TCL1B: variants seen among roughly 807,000 people sequenced by gnomAD.
TCL1B encodes TCL1 family AKT coactivator B.
Under a neutral mutation model 16.9 loss-of-function variants are expected in TCL1B, and 14 were observed. The observed-to-expected ratio is 0.83, with a 90% CI of 0.55 to 1.30. TCL1B has a LOEUF of 1.30. TCL1B is among the 50% of genes most tolerant of loss of function. The pLI is 0.00. For synonymous variants in TCL1B, 79 were observed against 66.6 expected (o/e 1.19, Z -0.91); for missense variants, 166 against 165.2 (o/e 1.00, Z -0.03).
intron 3 of TCL1B, 110 bp downstream of exon 3, chr14:95,691,446 T>C: frequency 5.0e-6 from 5 of 1,008,660 alleles, no homozygotes. Flanking sequence ...TTTGCTGAGA[T>C]TTTTCTTACA....
chr14:95,688,707 A>G (rs1036161660), intron 1 of TCL1B, among the ~76,000 whole-genome samples: 2 of 152,240 alleles, frequency 1.3e-5, no homozygotes, highest in African/African-American at 4.8e-5. Context: ...AACACAAACC[A>G]TGAAGTATTC....
intron 1 of TCL1B, among the ~76,000 whole-genome samples, chr14:95,689,961 A>G (rs1185292461): frequency 2.0e-5 from 3 of 152,170 alleles, no homozygotes; most frequent in Non-Finnish European, 4.4e-5. Context: ...TTTTCCTATC[A>G]TCTTTCTAAC....
rs373617365 is a variant in TCL1B, at chr14:95,688,951, G to A, written c.163-1785G>A. On this transcript the variant is annotated intron_variant, in intron 1 of 3. Transcript: ENST00000340722. The stretch of plus-strand genomic sequence containing the variant: ...AGTTCTGGAGGTGGATAGTGCCGAC[G>A]GTTCCACATGTCAATGCACTTAATG... Among the ~76,000 whole-genome samples, 6 of 152,184 alleles carry A rather than the reference G, an allele frequency of 3.9e-5. No homozygotes were observed. The East Asian group carries it at 5.8e-4, about 15-fold the overall frequency.
chr14:95,687,403 T>C (rs1012929750), intron 1 of TCL1B, among the ~76,000 whole-genome samples: 2 of 152,182 alleles, frequency 1.3e-5, no homozygotes, highest in African/African-American at 2.4e-5. Flanking sequence ...AAGTCCCTGA[T>C]AGAAAATGAC....
At chr14:95,691,097 G>A (rs984426484) in intron 2 of TCL1B, among the ~76,000 whole-genome samples, 171 bp from the exon 3 acceptor site, 1 of 152,268 alleles carries the variant, frequency 6.6e-6, no homozygotes, top group Non-Finnish European at 1.5e-5. Flanking sequence ...GATGCAGGCA[G>A]AGTGGGTGAG....
Position 95,688,668 on chromosome 14 carries a change from A to T in TCL1B, c.162+2039A>T, listed in dbSNP as rs1743527. On this transcript the variant is annotated intron_variant, in intron 1 of 3. Coordinates refer to ENST00000340722, the MANE Select transcript of TCL1B (RefSeq NM_004918.4). ...CTAGCCAAAAGGTGGTGGCAGCCCCAGTGTCCATTGATAGATGAATGGGTA... is the reference window on the plus strand; with the variant it reads ...CTAGCCAAAAGGTGGTGGCAGCCCCTGTGTCCATTGATAGATGAATGGGTA... Among the ~76,000 whole-genome samples the T allele has an allele frequency of 1.5e-4, 23 of 152,254 alleles. No individual in the cohort carries two copies. The East Asian group carries it at 3.7e-3, about 24-fold the overall frequency.
chr14:95,690,480 C>A (rs1256038882), intron 1 of TCL1B, among the ~76,000 whole-genome samples: 4 of 151,974 alleles, frequency 2.6e-5, no homozygotes, highest in African/African-American at 9.7e-5. Flanking sequence ...CAGCTTTAAC[C>A]CAAGGTGTTG....
intron 1 of TCL1B, 38 bp downstream of exon 1, chr14:95,686,667 TGC>T: frequency 1.9e-6 from 3 of 1,565,294 alleles, no homozygotes; most frequent in Non-Finnish European, 2.6e-6. Context: ...TGGGGAGGGC[TGC>T]GCACTGACCC....
In TCL1B at chr14:95,686,495, G is replaced by A; in HGVS notation, c.28G>A (p.Gly10Arg). 6.2e-7 allele frequency: 1 copy of A among 1,610,874 alleles called. No homozygotes were observed. The highest frequency in any genetic ancestry group is 8.5e-7 in the Non-Finnish European group (1 of 1,178,266). ...GGCCTCCGAAGCTTCTGTGCGTCTAGGGGTGCCCCCTGGCCGTCTGTGGAT... is the reference window on the plus strand; with the variant it reads ...GGCCTCCGAAGCTTCTGTGCGTCTAAGGGTGCCCCCTGGCCGTCTGTGGAT... MASEASVRL[G>R]VPPGRLWIQR... Residue 10 changes from glycine (G) to arginine (R), a missense_variant, in exon 1 of 4, where the codon GGG becomes AGG. Gly to Arg is a moderately radical substitution (Grantham distance 125). Transcript: ENST00000340722.
chr14:95,689,013 G>A (rs866363480), intron 1 of TCL1B, among the ~76,000 whole-genome samples: 4 of 152,250 alleles, frequency 2.6e-5, no homozygotes, highest in South Asian at 2.1e-4. Context: ...TTGGCCGGGT[G>A]CGGTGGCTCA....
rs766566348 is a variant in TCL1B, at chr14:95,686,511, G to A, written c.44G>A (p.Arg15His). Residue 15 changes from arginine (R) to histidine (H), a missense_variant, in exon 1 of 4, where the codon CGT (arginine) becomes CAT (histidine). Physicochemically the swap from Arg to His is conservative, Grantham distance 29. Coordinates refer to ENST00000340722, the MANE Select transcript of TCL1B (RefSeq NM_004918.4). ...GTGCGTCTAGGGGTGCCCCCTGGCCGTCTGTGGATCCAGAGGCCTGGCATC... is the reference window on the plus strand; with the variant it reads ...GTGCGTCTAGGGGTGCCCCCTGGCCATCTGTGGATCCAGAGGCCTGGCATC... ...ASVRLGVPPG[R>H]LWIQRPGIYE... 6.2e-6 allele frequency: 10 copies of A among 1,613,190 alleles called. No homozygotes were observed. Among genetic ancestry groups the A allele is most frequent in the South Asian group, 2.2e-5 (2 of 91,036 alleles).
chr14:95,690,946 C>G (rs141404786), intron 2 of TCL1B, 40 bp downstream of exon 2: 1,210 of 1,599,576 alleles, frequency 7.6e-4, no homozygotes, highest in Admixed American at 1.5e-3. Flanking sequence ...GACAGGTGGC[C>G]CCTGGTGACT....
rs1294294709 is a variant in TCL1B, at chr14:95,686,703, G to A, written c.162+74G>A. 4.7e-6 allele frequency: 7 copies of A among 1,474,640 alleles called. No homozygotes were observed. The South Asian group carries it at 8.4e-5, about 18-fold the overall frequency. The allele number at this position is 1,474,640 out of a possible 1,614,324, so 91.3% of individuals were successfully genotyped here. A position where few individuals can be genotyped will look rare whatever the true frequency, so the allele number is the denominator to read the frequency against. On this transcript the variant is annotated intron_variant, in intron 1 of 3. Transcript: ENST00000340722. Reference sequence around the variant, plus strand: ...CCCTGCCCGTGTGGGACCGCGGTGGGGGTCAGAGGGGGCCGTTCTCACCCG... The same window carrying A: ...CCCTGCCCGTGTGGGACCGCGGTGGAGGTCAGAGGGGGCCGTTCTCACCCG...
intron 1 of TCL1B, among the ~76,000 whole-genome samples, chr14:95,689,003 T>A (rs1885818480): frequency 6.6e-6 from 1 of 152,090 alleles, no homozygotes; most frequent in African/African-American, 2.4e-5. Flanking sequence ...TTAAAAACAG[T>A]TGGCCGGGTG....
Position 95,691,392 on chromosome 14 carries a change from T to G in TCL1B, c.*15+56T>G, listed in dbSNP as rs925876453. ...GGGATCAGACGAAAGTGAGAAGACC[T>G]CTCCTCTTTTCAGAAAGACGGCGTG... On this transcript the variant is annotated intron_variant, in intron 3 of 3. Transcript: ENST00000340722. 2.6e-6 allele frequency: 4 copies of G among 1,522,994 alleles called. No individual in the cohort carries two copies. In the East Asian group the frequency reaches 6.8e-5, roughly 26 times the overall value. 94.3% of individuals were successfully genotyped at this position (1,522,994 alleles called of 1,614,324 possible). A position where few individuals can be genotyped will look rare whatever the true frequency, so the allele number is the denominator to read the frequency against.
chr14:95,690,964 C>T, intron 2 of TCL1B, 58 bp downstream of exon 2: 1 of 1,581,332 alleles, frequency 6.3e-7, no homozygotes, highest in Non-Finnish European at 8.6e-7. Context: ...ACTGCCGTGG[C>T]CCTCTCTCTT....
intron 1 of TCL1B, 80 bp from the exon 2 acceptor site, chr14:95,690,656 C>A: frequency 6.8e-7 from 1 of 1,470,920 alleles, no homozygotes. Flanking sequence ...CCCTGGCAGC[C>A]CACTGGCCAT....
chr14:95,688,775 G>C (rs1336675316), intron 1 of TCL1B, among the ~76,000 whole-genome samples: 4 of 152,200 alleles, frequency 2.6e-5, no homozygotes, highest in Non-Finnish European at 5.9e-5. Context: ...AATGAAATAT[G>C]CCAGTCACGG....
At chr14:95,689,975 C>T (rs939864212) in intron 1 of TCL1B, among the ~76,000 whole-genome samples, 1 of 152,162 alleles carries the variant, frequency 6.6e-6, no homozygotes, top group African/African-American at 2.4e-5. Flanking sequence ...TTCTAACTTC[C>T]AGTACCAGCC....
Sources: gnomAD v4.1 joint callset for allele counts (sites outside exome capture counted in the v4.1 genomes callset) on GRCh38, gnomAD v4.1.1 for gene constraint, MANE v1.5 for transcripts, NCBI Gene and HGNC (gene_info 2026-07-23, HGNC 2026-07-21) for gene names.